Variants in ADARB2 observed in about 807,000 individuals in gnomAD.
ADARB2 encodes the protein inactive double-stranded RNA-specific editase B2.
ADARB2 carries 25 observed loss-of-function variants against 62.2 expected under a neutral mutation model. The observed-to-expected ratio is 0.40, with a 90% CI of 0.29 to 0.56. The LOEUF (loss-of-function observed/expected upper bound fraction) is 0.56, where lower values mean the gene tolerates loss of function less well. Among genes scored for constraint, ADARB2 ranks in the 20% least tolerant of loss-of-function variants. The probability of loss-of-function intolerance (pLI) is 0.43; values close to 1 mark genes in which losing one functional copy is unlikely to be tolerated. For synonymous variants in ADARB2, 572 were observed against 500.8 expected (o/e 1.14, Z -1.90); for missense variants, 1,071 against 1,077.4 (o/e 0.99, Z 0.08).
At chr10:1,450,169 G>A (rs1003191884) in intron 1 of ADARB2, among the ~76,000 whole-genome samples, 4 of 152,224 alleles carry the variant, frequency 2.6e-5, no homozygotes, top group African/African-American at 9.6e-5. Flanking sequence ...TCGAGAGGGA[G>A]GGAGGAATTC....
chr10:1,437,021 C>T (rs935838882), intron 1 of ADARB2, among the ~76,000 whole-genome samples: 1 of 152,144 alleles, frequency 6.6e-6, no homozygotes, highest in Non-Finnish European at 1.5e-5. Flanking sequence ...AGGAGCCTGT[C>T]TAATGTATGC....
intron 1 of ADARB2, among the ~76,000 whole-genome samples, chr10:1,636,292 G>A (rs774154417): frequency 5.3e-5 from 8 of 152,180 alleles, no homozygotes; most frequent in Non-Finnish European, 7.3e-5. Flanking sequence ...TGAAGCAGGC[G>A]GATCACTTGA....
Position 1,723,000 on chromosome 10 carries a change from ATTCATG to A in ADARB2, c.100+14045_100+14050del, listed in dbSNP as rs1835113613. Among the ~76,000 whole-genome samples the A allele has an allele frequency of 2.0e-5, 3 of 152,224 alleles. No homozygotes were observed. The South Asian group carries it at 6.2e-4, about 31-fold the overall frequency. On this transcript the variant is annotated intron_variant, in intron 1 of 9. Coordinates refer to ENST00000381312, the MANE Select transcript of ADARB2 (RefSeq NM_018702.4). ...ACACACTAAGGTGTCCTATATTCAT[ATTCATG>A]TGTACACATGCACATACACACACAT...
intron 6 of ADARB2, among the ~76,000 whole-genome samples, chr10:1,231,969 G>A (rs1830808089): frequency 6.6e-6 from 1 of 152,178 alleles, no homozygotes; most frequent in Non-Finnish European, 1.5e-5. Flanking sequence ...CAACAGCAGG[G>A]CATAACAAAA....
At chr10:1,657,676 AT>A in intron 1 of ADARB2, among the ~76,000 whole-genome samples, 1 of 152,294 alleles carries the variant, frequency 6.6e-6, no homozygotes, top group South Asian at 2.1e-4. Flanking sequence ...AAGGATGTAA[AT>A]GCAGTATGTC....
chr10:1,301,586 C>T (rs1353965714), intron 3 of ADARB2, among the ~76,000 whole-genome samples: 1 of 151,876 alleles, frequency 6.6e-6, no homozygotes, highest in Non-Finnish European at 1.5e-5. Context: ...CCCTCCATTC[C>T]TCCCTCCTTC....
At chr10:1,551,124 TAAG>T (rs1190408434) in intron 1 of ADARB2, among the ~76,000 whole-genome samples, 1 of 151,992 alleles carries the variant, frequency 6.6e-6, no homozygotes, top group African/African-American at 2.4e-5. Flanking sequence ...GGTGTCCTTA[TAAG>T]AAGAGGAGAT....
chr10:1,252,621 A>G (rs1831046592), intron 4 of ADARB2, among the ~76,000 whole-genome samples: 1 of 151,792 alleles, frequency 6.6e-6, no homozygotes, highest in Non-Finnish European at 1.5e-5. Flanking sequence ...TATTTGGTCA[A>G]AGTCTATGTT....
At chr10:1,715,446 T>G (rs1293923905) in intron 1 of ADARB2, among the ~76,000 whole-genome samples, 2 of 152,042 alleles carry the variant, frequency 1.3e-5, no homozygotes, top group Non-Finnish European at 2.9e-5. Flanking sequence ...ATTGAGAAAC[T>G]TTCAAGGTTG....
At chr10:1,325,296 C>T (rs1831834736) in intron 3 of ADARB2, among the ~76,000 whole-genome samples, 1 of 152,188 alleles carries the variant, frequency 6.6e-6, no homozygotes, top group African/African-American at 2.4e-5. Flanking sequence ...CCTCTCTTCA[C>T]CTCTTCATGA....
intron 1 of ADARB2, among the ~76,000 whole-genome samples, chr10:1,475,413 C>A (rs1831386267): frequency 6.6e-6 from 1 of 152,182 alleles, no homozygotes; most frequent in Non-Finnish European, 1.5e-5. Context: ...GCTTTCTGTC[C>A]CTGAGCAGCA....
chr10:1,728,952 T>C (rs1436351255), intron 1 of ADARB2, among the ~76,000 whole-genome samples: 1 of 152,250 alleles, frequency 6.6e-6, no homozygotes, highest in African/African-American at 2.4e-5. Flanking sequence ...CTGCTTATCC[T>C]AGTACTTTTC....
At chr10:1,290,868 TTC>T (rs1307867512) in intron 3 of ADARB2, 10 of 152,240 alleles carry the variant, frequency 6.6e-5, no homozygotes, top group African/African-American at 2.4e-4. Flanking sequence ...AGATGCATAT[TTC>T]TGTTTTTTTG....
At chr10:1,695,374 A>G (rs984196912) in intron 1 of ADARB2, among the ~76,000 whole-genome samples, 20 of 152,216 alleles carry the variant, frequency 1.3e-4, no homozygotes, top group African/African-American at 4.3e-4. Flanking sequence ...AGGCTCACAC[A>G]GCAAGGAGCA....
chr10:1,233,974 TTTCC>T (rs1179731074), intron 5 of ADARB2, 129 bp from the exon 6 acceptor site: 14,092 of 696,964 alleles, frequency 0.02, 96 homozygotes, highest in South Asian at 0.05. Flanking sequence ...TCCTTTTTTT[TTTCC>T]TTTTTTTTTT....
intron 1 of ADARB2, among the ~76,000 whole-genome samples, chr10:1,720,723 G>A (rs968362173): frequency 6.6e-6 from 1 of 152,134 alleles, no homozygotes; most frequent in Admixed American, 6.5e-5. Context: ...GGGCCTCTGG[G>A]CCCCTGGACA....
chr10:1,455,256 G>A (rs890768423), intron 1 of ADARB2, among the ~76,000 whole-genome samples: 2 of 152,180 alleles, frequency 1.3e-5, no homozygotes, highest in South Asian at 2.1e-4. Context: ...CAAATCAAGC[G>A]CCACCTGGAA....
intron 1 of ADARB2, among the ~76,000 whole-genome samples, chr10:1,458,439 T>C (rs1323982436): frequency 6.6e-6 from 1 of 152,178 alleles, no homozygotes; most frequent in Non-Finnish European, 1.5e-5. Flanking sequence ...TGCATTTTAA[T>C]ATATATTATA....
intron 1 of ADARB2, among the ~76,000 whole-genome samples, chr10:1,718,808 G>A (rs1443119745): frequency 2.0e-5 from 3 of 152,284 alleles, no homozygotes; most frequent in Non-Finnish European, 4.4e-5. Flanking sequence ...GCAGGTTCTT[G>A]TGGCTGGGAC....
Sources: gnomAD v4.1 joint callset for allele counts (sites outside exome capture counted in the v4.1 genomes callset) on GRCh38, gnomAD v4.1.1 for gene constraint, MANE v1.5 for transcripts, NCBI Gene and HGNC (gene_info 2026-07-23, HGNC 2026-07-21) for gene names.